Variants in ADCY2 observed in about 807,000 individuals in gnomAD.
ADCY2 encodes adenylate cyclase type 2.
A neutral mutation model predicts 125.2 loss-of-function variants in ADCY2; 31 were observed. That is an observed-to-expected ratio of 0.25 (90% CI 0.19 to 0.33). The LOEUF is 0.33. Among genes scored for constraint, ADCY2 ranks in the 10% least tolerant of loss-of-function variants. The pLI is 1.00. For missense variants in ADCY2, 904 were observed against 1,418.2 expected (o/e 0.64, Z 5.82); for synonymous variants, 512 against 548.4 (o/e 0.93, Z 0.93).
intron 14 of ADCY2, among the ~76,000 whole-genome samples, chr5:7,743,243 A>G (rs1468879924): frequency 6.6e-6 from 1 of 151,974 alleles, no homozygotes; most frequent in Non-Finnish European, 1.5e-5. Flanking sequence ...TCCTGGGTCA[A>G]CAGGAACAAG....
chr5:7,581,246 G>C (rs142718244), intron 3 of ADCY2, among the ~76,000 whole-genome samples: 1 of 152,132 alleles, frequency 6.6e-6, no homozygotes, highest in Admixed American at 6.6e-5. Context: ...TGAAAAATTT[G>C]TAATATTTGC....
intron 15 of ADCY2, 148 bp from the exon 16 acceptor site, chr5:7,757,301 C>T (rs978219460): frequency 3.2e-5 from 32 of 990,560 alleles, no homozygotes; most frequent in Non-Finnish European, 4.3e-5. Flanking sequence ...TTTGTGACTT[C>T]GTATGGGTCC....
intron 3 of ADCY2, among the ~76,000 whole-genome samples, chr5:7,535,086 G>T (rs190452945): frequency 2.0e-5 from 3 of 152,164 alleles, no homozygotes; most frequent in Non-Finnish European, 4.4e-5. Context: ...TGTCACCCAG[G>T]CTAGAGTGCA....
At chr5:7,511,759 G>T (rs924902317) in intron 2 of ADCY2, among the ~76,000 whole-genome samples, 1 of 152,010 alleles carries the variant, frequency 6.6e-6, no homozygotes, top group Non-Finnish European at 1.5e-5. Flanking sequence ...CACTGCAAAG[G>T]TCTTGCAGTT....
intron 3 of ADCY2, among the ~76,000 whole-genome samples, chr5:7,575,493 A>G (rs1019635853): frequency 6.6e-6 from 1 of 152,144 alleles, no homozygotes; most frequent in African/African-American, 2.4e-5. Context: ...CAGTTTATTC[A>G]TTCTTTCATT....
chr5:7,803,484 C>T (rs1297680036), intron 21 of ADCY2, among the ~76,000 whole-genome samples: 1 of 152,186 alleles, frequency 6.6e-6, no homozygotes, highest in African/African-American at 2.4e-5. Flanking sequence ...AAGCCCATTC[C>T]TCTTCCTTCC....
chr5:7,513,039 G>A (rs969276358), intron 2 of ADCY2, among the ~76,000 whole-genome samples: 4 of 150,318 alleles, frequency 2.7e-5, no homozygotes, highest in African/African-American at 4.9e-5. Flanking sequence ...GCTGGGATGT[G>A]ATGGAATTTC....
At chr5:7,434,431 G>A (rs1347063324) in intron 2 of ADCY2, among the ~76,000 whole-genome samples, 2 of 152,214 alleles carry the variant, frequency 1.3e-5, no homozygotes, top group Admixed American at 6.5e-5. Flanking sequence ...TAGGCTGTGT[G>A]TGCTGCATTC....
chr5:7,475,305 G>A (rs1742481203), intron 2 of ADCY2, among the ~76,000 whole-genome samples: 1 of 152,150 alleles, frequency 6.6e-6, no homozygotes, highest in Admixed American at 6.5e-5. Flanking sequence ...CTGTATCCGT[G>A]GTCTGGAGAA....
At chr5:7,421,703 G>C (rs1740211571) in intron 2 of ADCY2, among the ~76,000 whole-genome samples, 3 of 152,172 alleles carry the variant, frequency 2.0e-5, no homozygotes, top group Non-Finnish European at 2.9e-5. Flanking sequence ...GTGGAGTGCT[G>C]CTCTGAGGTT....
Position 7,784,423 on chromosome 5 carries a change from A to T in ADCY2, c.2443A>T (p.Ile815Phe), listed in dbSNP as rs1051661036. ...CTCTGTGTCTCTCTCTATATTCTTCATCACACTGCTTGTTCTGGGTAGACA... is the reference window on the plus strand; with the variant it reads ...CTCTGTGTCTCTCTCTATATTCTTCTTCACACTGCTTGTTCTGGGTAGACA... ...MGSVSLSIFFITLLVLGRQNE... is the reference protein window; with the variant it reads ...MGSVSLSIFFFTLLVLGRQNE... The change falls in exon 19 of 25, where the codon ATC becomes TTC. Residue 815 changes from isoleucine to phenylalanine, a missense_variant. Transcript: ENST00000338316. 6 of 1,613,786 alleles carry T rather than the reference A, an allele frequency of 3.7e-6. No individual in the cohort carries two copies. The highest frequency in any genetic ancestry group is 5.1e-6 in the Non-Finnish European group (6 of 1,179,930).
At chr5:7,635,604 T>C (rs1283788644) in intron 4 of ADCY2, among the ~76,000 whole-genome samples, 1 of 152,122 alleles carries the variant, frequency 6.6e-6, no homozygotes, top group Non-Finnish European at 1.5e-5. Context: ...AAGCAGCAGC[T>C]GTAAATAAGA....
chr5:7,552,841 A>G (rs901464801), intron 3 of ADCY2, among the ~76,000 whole-genome samples: 11 of 152,194 alleles, frequency 7.2e-5, no homozygotes, highest in Non-Finnish European at 1.2e-4. Flanking sequence ...TGGTATTTTT[A>G]AATATTTTTC....
chr5:7,803,197 G>A (rs1280190780), intron 21 of ADCY2, among the ~76,000 whole-genome samples: 1 of 152,160 alleles, frequency 6.6e-6, no homozygotes, highest in Admixed American at 6.5e-5. Context: ...GTGATCCTGG[G>A]TGCATCATGA....
chr5:7,491,847 C>A (rs1743176248), intron 2 of ADCY2, among the ~76,000 whole-genome samples: 1 of 152,166 alleles, frequency 6.6e-6, no homozygotes, highest in Non-Finnish European at 1.5e-5. Flanking sequence ...AACAACCAAA[C>A]AAGTTGTTCT....
intron 3 of ADCY2, among the ~76,000 whole-genome samples, chr5:7,623,995 T>A (rs1441319497): frequency 6.6e-6 from 1 of 152,212 alleles, no homozygotes; most frequent in African/African-American, 2.4e-5. Context: ...GCTCTAAGAA[T>A]GTGGGTGCGT....
intron 7 of ADCY2, among the ~76,000 whole-genome samples, chr5:7,701,599 C>T (rs1474107815): frequency 6.6e-6 from 1 of 152,098 alleles, no homozygotes; most frequent in African/African-American, 2.4e-5. Context: ...ACTTCCAGAA[C>T]CTTTTCATCA....
Position 7,460,538 on chromosome 5 carries a change from A to G in ADCY2, c.408+45768A>G, listed in dbSNP as rs181349258. 5.4e-3 allele frequency among the ~76,000 whole-genome samples: 821 copies of G among 152,322 alleles called. 5 individuals carry two copies. The highest frequency in any genetic ancestry group is 8.8e-3 in the Non-Finnish European group (601 of 68,026). ...AAAACTCTTGAGTTATGATCTTTGG[A>G]AGTTTATACTTAATGTCCTAGGAGC... is the stretch of plus-strand genomic sequence containing the variant. On this transcript the variant is annotated intron_variant, in intron 2 of 24. Transcript: ENST00000338316.
At chr5:7,807,290 A>G (rs1744786561) in intron 22 of ADCY2, among the ~76,000 whole-genome samples, 1 of 152,178 alleles carries the variant, frequency 6.6e-6, no homozygotes, top group East Asian at 1.9e-4. Flanking sequence ...CACGCTTTAT[A>G]GACTGAGAGT....
Sources: gnomAD v4.1 joint callset for allele counts (sites outside exome capture counted in the v4.1 genomes callset) on GRCh38, gnomAD v4.1.1 for gene constraint, MANE v1.5 for transcripts, NCBI Gene and HGNC (gene_info 2026-07-23, HGNC 2026-07-21) for gene names.